RTF2: variants seen among roughly 807,000 people sequenced by gnomAD.
RTF2 encodes the protein UPF0549 protein C20orf43.
RTF2 carries 18 observed loss-of-function variants against 38.0 expected under a neutral mutation model. That is an observed-to-expected ratio of 0.47 (90% confidence interval 0.33 to 0.70). The LOEUF is 0.70. Among genes scored for constraint, RTF2 ranks in the 30% least tolerant of loss-of-function variants. The pLI is 0.02. For missense variants in RTF2, 311 were observed against 379.6 expected (o/e 0.82, Z 1.50); for synonymous variants, 126 against 137.1 (o/e 0.92, Z 0.57).
chr20:56,484,217 C>T (rs1436815321), intron 5 of RTF2, 28 bp downstream of exon 5: 2 of 1,551,118 alleles, frequency 1.3e-6, no homozygotes, highest in Non-Finnish European at 8.9e-7. Context: ...ACCATTTGTT[C>T]CTTCTCTGTA....
chr20:56,513,250 G>A (rs1165499208), intron 5 of RTF2, 65 bp from the exon 6 acceptor site: 3 of 1,543,460 alleles, frequency 1.9e-6, no homozygotes, highest in African/African-American at 2.7e-5. Flanking sequence ...GAGAGTGGGG[G>A]ACTGAAGCGT....
At chr20:56,503,968 A>ACACACACACG (rs759659513) in intron 5 of RTF2, 6 of 151,710 alleles carry the variant, frequency 4.0e-5, no homozygotes, top group African/African-American at 1.2e-4. Context: ...ACCCTGACAC[A>ACACACACACG]CACACACACG....
At chr20:56,471,940 G>T (rs1020115397) in intron 1 of RTF2, among the ~76,000 whole-genome samples, 19 of 152,236 alleles carry the variant, frequency 1.2e-4, no homozygotes, top group Admixed American at 9.8e-4. Context: ...ATTAAATTCA[G>T]AGGGCCAGGT....
In RTF2 at chr20:56,473,322, G is replaced by A; in HGVS notation, c.91G>A (p.Val31Met). The A allele has an allele frequency of 1.2e-6, 2 of 1,613,646 alleles. No individual in the cohort carries two copies. Among genetic ancestry groups the A allele is most frequent in the South Asian group, 1.1e-5 (1 of 91,040 alleles). The change falls in exon 2 of 9, where the codon GTG (valine) becomes ATG (methionine). Residue 31 changes from valine to methionine, a missense_variant. Physicochemically the swap from Val to Met is conservative, Grantham distance 21 (BLOSUM62 1). Transcript: ENST00000357348. ...VEKVDKDAEL[V>M]AQWNYCTLSQ... is the part of the protein sequence containing the mutation. Reference sequence around the variant, plus strand: ...TTAGGTCGACAAAGATGCTGAATTAGTGGCCCAATGGAACTATTGTACTCT... The same window carrying A: ...TTAGGTCGACAAAGATGCTGAATTAATGGCCCAATGGAACTATTGTACTCT...
At chr20:56,478,810 G>A (rs78206281) in intron 4 of RTF2, among the ~76,000 whole-genome samples, 1,606 of 152,306 alleles carry the variant, frequency 0.011, 13 homozygotes, top group Middle Eastern at 0.041. Flanking sequence ...ATGTGATGCT[G>A]TTTAATAGCA....
intron 3 of RTF2, among the ~76,000 whole-genome samples, chr20:56,476,441 A>G (rs1600795247): frequency 6.6e-6 from 1 of 151,848 alleles, no homozygotes; most frequent in Non-Finnish European, 1.5e-5. Flanking sequence ...AGATGTGGAT[A>G]GTAGAAATAA....
At chr20:56,507,201 G>A (rs1237124428) in intron 5 of RTF2, among the ~76,000 whole-genome samples, 1 of 152,144 alleles carries the variant, frequency 6.6e-6, no homozygotes, top group African/African-American at 2.4e-5. Flanking sequence ...TGGGGAGCAG[G>A]TCCCTGTGGA....
At chr20:56,517,453 TG>T (rs1985122678) in intron 8 of RTF2, among the ~76,000 whole-genome samples, 1 of 152,028 alleles carries the variant, frequency 6.6e-6, no homozygotes, top group South Asian at 2.1e-4. Flanking sequence ...AGTAAGTGCT[TG>T]GTGCCAAGCA....
chr20:56,491,386 A>G (rs1983113833), intron 5 of RTF2: 3 of 598,580 alleles, frequency 5.0e-6, no homozygotes, highest in Admixed American at 3.0e-5. Flanking sequence ...TTCTTTCCCA[A>G]AGCTATAAAA....
Position 56,491,576 on chromosome 20 carries a change from T to C in RTF2, c.477+7387T>C, listed in dbSNP as rs998141826. 10 of 1,550,160 alleles carry C rather than the reference T, an allele frequency of 6.5e-6. No homozygotes were observed. In the South Asian group the frequency reaches 8.3e-5, roughly 13 times the overall value. ...CACTCCCTAGCGGTTCAGTCTCATA[T>C]TGAAATGACTCTGCTGTTGAAAATG... On this transcript the variant is annotated intron_variant, in intron 5 of 8. Coordinates refer to ENST00000357348, the MANE Select transcript of RTF2 (RefSeq NM_016407.5).
intron 2 of RTF2, among the ~76,000 whole-genome samples, chr20:56,474,257 G>C (rs1340906399): frequency 9.2e-5 from 14 of 152,098 alleles, no homozygotes; most frequent in Admixed American, 2.0e-4. Context: ...GAGGTGGGTG[G>C]ATCACCTGAG....
chr20:56,489,312 C>T (rs1344780972), intron 5 of RTF2, among the ~76,000 whole-genome samples: 5 of 151,942 alleles, frequency 3.3e-5, no homozygotes, highest in Non-Finnish European at 7.4e-5. Context: ...GATCCACCCG[C>T]CTCAGCCTTC....
At chr20:56,495,318 G>T in intron 5 of RTF2, 2 of 1,523,834 alleles carry the variant, frequency 1.3e-6, no homozygotes, top group Non-Finnish European at 1.8e-6. Flanking sequence ...AACAAAACCA[G>T]CATTCAGTGT....
chr20:56,485,510 G>T (rs77137751), intron 5 of RTF2, among the ~76,000 whole-genome samples: 1 of 152,184 alleles, frequency 6.6e-6, no homozygotes, highest in East Asian at 1.9e-4. Context: ...CATTAATTTT[G>T]TTCTAAAAAT....
intron 5 of RTF2, among the ~76,000 whole-genome samples, chr20:56,505,814 G>A (rs965587936): frequency 3.3e-5 from 5 of 151,956 alleles, no homozygotes; most frequent in East Asian, 1.9e-4. Flanking sequence ...AGGGTAAATC[G>A]GCTTTATGTA....
intron 6 of RTF2, 58 bp downstream of exon 6, chr20:56,513,486 A>C: frequency 6.5e-7 from 1 of 1,547,712 alleles, no homozygotes; most frequent in Admixed American, 2.0e-5. Context: ...GCCGACTGCA[A>C]ATCACTGAAC....
intron 4 of RTF2, 149 bp from the exon 5 acceptor site, chr20:56,483,962 C>T: frequency 6.0e-6 from 3 of 503,746 alleles, no homozygotes; most frequent in Non-Finnish European, 1.1e-5. Context: ...TTTTTCCTGC[C>T]CCTTTTCTAT....
intron 5 of RTF2, among the ~76,000 whole-genome samples, chr20:56,512,858 C>T (rs571965189): frequency 5.9e-5 from 9 of 152,272 alleles, no homozygotes; most frequent in South Asian, 4.1e-4. Flanking sequence ...AACTGCAACA[C>T]GTGTGATGTT....
At chr20:56,501,258 T>C (rs1030558770) in intron 5 of RTF2, among the ~76,000 whole-genome samples, 15 of 152,294 alleles carry the variant, frequency 9.8e-5, no homozygotes, top group African/African-American at 3.6e-4. Context: ...TTTGCAAACA[T>C]TTCCTAGCAA....
Sources: allele counts gnomAD v4.1 joint callset (sites outside exome capture counted in the v4.1 genomes callset), GRCh38; gene constraint gnomAD v4.1.1; transcripts MANE v1.5; gene names NCBI Gene and HGNC (gene_info 2026-07-23, HGNC 2026-07-21).